The following FAM193A variants were observed in gnomAD, a reference collection of about 807,000 sequenced individuals.
FAM193A encodes the protein family with sequence similarity 193 member A.
FAM193A carries 22 observed loss-of-function variants against 126.5 expected under a neutral mutation model. The observed-to-expected ratio is 0.17, with a 90% confidence interval of 0.12 to 0.25. The LOEUF is 0.25. Among genes scored for constraint, FAM193A ranks in the 10% least tolerant of loss-of-function variants. The pLI is 1.00. For synonymous variants in FAM193A, 761 were observed against 646.8 expected (o/e 1.18, Z -2.68); for missense variants, 1,675 against 1,672.8 (o/e 1.00, Z -0.02).
intron 13 of FAM193A, among the ~76,000 whole-genome samples, chr4:2,688,713 C>T (rs903363640): frequency 1.3e-5 from 2 of 152,210 alleles, no homozygotes; most frequent in South Asian, 2.1e-4. Flanking sequence ...GGGAAGAGTT[C>T]GTGGTGCAAA....
Position 2,577,697 on chromosome 4 carries a change from G to C in FAM193A, c.256-18387G>C, listed in dbSNP as rs116699155. On this transcript the variant is annotated intron_variant, in intron 1 of 20. Coordinates refer to ENST00000637812, the MANE Select transcript of FAM193A (RefSeq NM_001366318.2). Reference sequence around the variant, plus strand: ...GCCTCCTGAAGTGCTGGGATTACAGGTGTCAGCCACCACACCTGACCTCTG... The same window carrying C: ...GCCTCCTGAAGTGCTGGGATTACAGCTGTCAGCCACCACACCTGACCTCTG... Among the ~76,000 whole-genome samples the C allele has an allele frequency of 3.3e-3, 504 of 152,178 alleles. 4 individuals carry two copies. Among genetic ancestry groups the C allele is most frequent in the African/African-American group, 0.011 (477 of 41,514 alleles).
chr4:2,670,336 A>G (rs1308121659), intron 12 of FAM193A, among the ~76,000 whole-genome samples: 1 of 151,688 alleles, frequency 6.6e-6, no homozygotes, highest in Non-Finnish European at 1.5e-5. Context: ...CTTTATTTTC[A>G]TATTTTCCTT....
At chr4:2,686,054 A>G (rs1320562416) in intron 13 of FAM193A, among the ~76,000 whole-genome samples, 2 of 152,208 alleles carry the variant, frequency 1.3e-5, no homozygotes, top group Non-Finnish European at 2.9e-5. Flanking sequence ...GTGGACTTAT[A>G]AAGTCATGGT....
upstream of FAM193A, among the ~76,000 whole-genome samples, chr4:2,535,921 G>C (rs910397479): frequency 1.3e-5 from 2 of 152,154 alleles, no homozygotes; most frequent in Non-Finnish European, 2.9e-5. Context: ...CGGCTCCGCC[G>C]CTGCCTCCGC....
chr4:2,659,865 A>T lies in FAM193A; in HGVS notation c.1556A>T (p.Asp519Val). The T allele has an allele frequency of 6.2e-7, 1 of 1,612,638 alleles. No individual in the cohort carries two copies. The highest frequency in any genetic ancestry group is 8.5e-7 in the Non-Finnish European group (1 of 1,179,630). Residue 519 changes from aspartate to valine, a missense_variant, in exon 10 of 21, where the codon GAC becomes GTC. Physicochemically the swap from Asp to Val is radical, Grantham distance 152. Around this residue, in one of 4 missense-constraint regions of FAM193A, gnomAD observed 1,186 missense variants for 1,109.2 expected, o/e 1.07. Coordinates refer to ENST00000637812, the MANE Select transcript of FAM193A (RefSeq NM_001366318.2). ...CACATCCTCACGTGTGGTATCATGG[A>T]CCCCCCCGTCACTGATGACATCCAC... The part of the protein sequence containing the change: ...LSHILTCGIM[D>V]PPVTDDIHIH...
intron 14 of FAM193A, among the ~76,000 whole-genome samples, chr4:2,690,178 A>G (rs931552018): frequency 6.6e-6 from 1 of 152,128 alleles, no homozygotes; most frequent in Non-Finnish European, 1.5e-5. Context: ...CTTACTCCCC[A>G]GCTGCCTCAG....
intron 20 of FAM193A, among the ~76,000 whole-genome samples, chr4:2,719,740 C>CAA (rs369345535): frequency 0.026 from 2,662 of 102,330 alleles, 64 homozygotes; most frequent in African/African-American, 0.048. Context: ...GAGACACTCT[C>CAA]AAAAAAAAAA....
chr4:2,621,517 G>A (rs1210998602), intron 2 of FAM193A, among the ~76,000 whole-genome samples: 2 of 152,116 alleles, frequency 1.3e-5, no homozygotes, highest in Non-Finnish European at 1.5e-5. Context: ...TAAGAAATAC[G>A]GTGTTTGCTC....
intron 2 of FAM193A, chr4:2,615,064 T>G (rs1485821061): frequency 2.0e-5 from 3 of 152,210 alleles, no homozygotes; most frequent in African/African-American, 7.2e-5. Context: ...TTTTCTTTTT[T>G]GTTAATTTTT....
At chr4:2,729,844 T>G (rs1305829881) in intron 20 of FAM193A, among the ~76,000 whole-genome samples, 1 of 152,104 alleles carries the variant, frequency 6.6e-6, no homozygotes, top group East Asian at 1.9e-4. Context: ...ACTTGTAAGC[T>G]CAAGTGATCC....
At position 2,552,826 on chromosome 4, in the gene FAM193A, C is replaced by T. The variant is rs575366348; in HGVS notation, c.255+15656C>T. 8.0e-5 allele frequency among the ~76,000 whole-genome samples: 12 copies of T among 150,836 alleles called. 1 individual carries two copies. The South Asian group carries it at 2.1e-3, about 26-fold the overall frequency. ...TGCTGGGATTACAGGTGTGAGCCACCGCGCCCGGCCACAGAACTTTCTTTT... is the reference window on the plus strand; with the variant it reads ...TGCTGGGATTACAGGTGTGAGCCACTGCGCCCGGCCACAGAACTTTCTTTT... On this transcript the variant is annotated intron_variant, in intron 1 of 20. Transcript: ENST00000637812.
chr4:2,699,507 C>T (rs1717448341), intron 18 of FAM193A, among the ~76,000 whole-genome samples, 173 bp from the exon 19 acceptor site: 3 of 145,538 alleles, frequency 2.1e-5, no homozygotes, highest in South Asian at 4.5e-4. Context: ...GTTTAACAAT[C>T]CTGCAGAGTA....
intron 1 of FAM193A, among the ~76,000 whole-genome samples, chr4:2,580,286 A>G (rs1739843433): frequency 6.6e-6 from 1 of 152,174 alleles, no homozygotes; most frequent in African/African-American, 2.4e-5. Flanking sequence ...ATGAGAACAC[A>G]TGGACACGTA....
At chr4:2,724,833 C>T (rs550539827) in intron 20 of FAM193A, among the ~76,000 whole-genome samples, 6 of 152,214 alleles carry the variant, frequency 3.9e-5, no homozygotes, top group South Asian at 2.1e-4. Context: ...TCAAGGGTTA[C>T]GGAAGAGAGG....
chr4:2,656,501 G>A (rs1711702615), intron 7 of FAM193A, among the ~76,000 whole-genome samples: 1 of 152,196 alleles, frequency 6.6e-6, no homozygotes, highest in Non-Finnish European at 1.5e-5. Context: ...AGGGTAGAGC[G>A]GCCCCAGCGT....
At chr4:2,604,861 G>A (rs755172629) in intron 2 of FAM193A, among the ~76,000 whole-genome samples, 11 of 142,486 alleles carry the variant, frequency 7.7e-5, no homozygotes, top group East Asian at 2.1e-4. Flanking sequence ...GCAGTGGTGC[G>A]AAAACAGCTC....
intron 6 of FAM193A, among the ~76,000 whole-genome samples, chr4:2,640,249 A>C (rs969427727): frequency 6.6e-6 from 1 of 152,096 alleles, no homozygotes; most frequent in African/African-American, 2.4e-5. Context: ...GGCCCTCCGG[A>C]TACAGCTTGG....
At chr4:2,601,180 T>C (rs1294185305) in intron 2 of FAM193A, among the ~76,000 whole-genome samples, 1 of 151,976 alleles carries the variant, frequency 6.6e-6, no homozygotes, top group African/African-American at 2.4e-5. Flanking sequence ...TGGTCTCTTT[T>C]CACTTCTTAC....
intron 1 of FAM193A, among the ~76,000 whole-genome samples, chr4:2,582,858 ATTC>A (rs1740029944): frequency 6.6e-6 from 1 of 151,976 alleles, no homozygotes; most frequent in African/African-American, 2.4e-5. Context: ...TTCTTTGCAT[ATTC>A]TTCTCCCAGT....
Sources: gnomAD v4.1 joint callset for allele counts (sites outside exome capture counted in the v4.1 genomes callset) on GRCh38, gnomAD v4.1.1 for gene constraint, gnomAD v4.1.1 regional missense constraint, MANE v1.5 for transcripts, NCBI Gene and HGNC (gene_info 2026-07-23, HGNC 2026-07-21) for gene names.